MRPS27: variants seen among roughly 807,000 people sequenced by gnomAD.
MRPS27 encodes small ribosomal subunit protein mS27.
A neutral mutation model predicts 48.9 loss-of-function variants in MRPS27; 43 were observed. The ratio of observed to expected loss-of-function variants is 0.88; its 90% confidence interval spans 0.69 to 1.13. The LOEUF is 1.13. Ranked by LOEUF, MRPS27 falls within the 50% of genes most tolerant of loss-of-function variation. The probability of loss-of-function intolerance (pLI) is 0.00; values close to 1 mark genes in which losing one functional copy is unlikely to be tolerated. For missense variants in MRPS27, 467 were observed against 476.3 expected (o/e 0.98, Z 0.18); for synonymous variants, 188 against 171.9 (o/e 1.09, Z -0.73).
chr5:72,247,270 C>G (rs1748534004), intron 4 of MRPS27, among the ~76,000 whole-genome samples: 1 of 152,126 alleles, frequency 6.6e-6, no homozygotes, highest in Non-Finnish European at 1.5e-5. Context: ...CTGGACTAGA[C>G]CAGACCCCCG....
In MRPS27 at chr5:72,219,890, T is replaced by A. The variant is rs542740233; in HGVS notation, c.*1019A>T. 3.9e-5 allele frequency: 6 copies of A among 152,710 alleles called. No individual in the cohort carries two copies. The highest frequency in any genetic ancestry group is 1.4e-4 in the African/African-American group (6 of 41,564). 9.5% of individuals were successfully genotyped at this position (152,710 alleles called of 1,614,324 possible). On this transcript the variant is annotated 3_prime_UTR_variant, in exon 11 of 11. Transcript: ENST00000261413. ...AAAAAAAAAATTGGAAAAAAAATGT[T>A]ACCCCAACACGATGGAGAAGCCAAT... is the stretch of plus-strand genomic sequence containing the variant.
intron 4 of MRPS27, among the ~76,000 whole-genome samples, chr5:72,292,223 T>G (rs1297641979): frequency 6.7e-6 from 1 of 150,240 alleles, no homozygotes; most frequent in Non-Finnish European, 1.5e-5. Context: ...TTTTTTTTTT[T>G]TGGCCAATGA....
chr5:72,222,379 A>G (rs1747770976), intron 10 of MRPS27: 1 of 152,230 alleles, frequency 6.6e-6, no homozygotes, highest in Non-Finnish European at 1.5e-5. Flanking sequence ...GGTAGTCTCT[A>G]GCATCCAGAG....
At chr5:72,266,368 T>C (rs912639133) in intron 4 of MRPS27, among the ~76,000 whole-genome samples, 9 of 152,190 alleles carry the variant, frequency 5.9e-5, no homozygotes, top group Non-Finnish European at 1.2e-4. Flanking sequence ...AGTAAATACA[T>C]GACTGCCCCA....
Position 72,314,122 on chromosome 5 carries a change from C to T in MRPS27, c.110G>A (p.Ser37Asn), listed in dbSNP as rs1475287907. The change falls in exon 2 of 11, where the codon AGC (serine) becomes AAC (asparagine). Residue 37 changes from serine (S) to asparagine (N), a missense_variant. Physicochemically the swap from Ser to Asn is conservative, Grantham distance 46. Transcript: ENST00000261413. ...TTTTTCTCTTGCTTCCCATTTGTGG[C>T]TGTCTACATAGGCTGAAGAAAGCAG... ...RYLLSSAYVD[S>N]HKWEAREKEH... is the part of the protein sequence containing the mutation. 6.2e-7 allele frequency: 1 copy of T among 1,613,110 alleles called. No homozygotes were observed. The highest frequency in any genetic ancestry group is 8.5e-7 in the Non-Finnish European group (1 of 1,179,454).
At position 72,219,616 on chromosome 5, in the gene MRPS27, C is replaced by T. The variant is rs1271746380; in HGVS notation, c.*1293G>A. On this transcript the variant is annotated 3_prime_UTR_variant, in exon 11 of 11. Coordinates refer to ENST00000261413, the MANE Select transcript of MRPS27 (RefSeq NM_015084.3). ...ACCACTGTACTTAAGGGCAACACTACATAGTAAGCAAAATCTGCTCTGAAC... is the reference window on the plus strand; with the variant it reads ...ACCACTGTACTTAAGGGCAACACTATATAGTAAGCAAAATCTGCTCTGAAC... 1.3e-5 allele frequency: 2 copies of T among 152,166 alleles called. No homozygotes were observed. The highest frequency in any genetic ancestry group is 2.9e-5 in the Non-Finnish European group (2 of 68,022). 9.4% of individuals were successfully genotyped at this position (152,166 alleles called of 1,614,324 possible).
intron 4 of MRPS27, among the ~76,000 whole-genome samples, chr5:72,289,467 G>A (rs776323016): frequency 2.0e-5 from 3 of 150,746 alleles, no homozygotes; most frequent in African/African-American, 4.9e-5. Context: ...TGTCACCTAC[G>A]CTGGAGTACA....
At chr5:72,314,251 T>C (rs1265656418) in intron 1 of MRPS27, 93 bp from the exon 2 acceptor site, 1 of 820,298 alleles carries the variant, frequency 1.2e-6, no homozygotes, top group Non-Finnish European at 1.9e-6. Context: ...TCCTTTCAAC[T>C]ACTAGATTAT....
chr5:72,306,514 GAAT>G, intron 2 of MRPS27, among the ~76,000 whole-genome samples: 1 of 152,136 alleles, frequency 6.6e-6, no homozygotes, highest in South Asian at 2.1e-4. Flanking sequence ...AGCAAATCTA[GAAT>G]GTGGGAAACT....
At chr5:72,292,246 GTA>G (rs1417550609) in intron 4 of MRPS27, among the ~76,000 whole-genome samples, 3 of 140,904 alleles carry the variant, frequency 2.1e-5, no homozygotes, top group African/African-American at 8.1e-5. Context: ...ATAGTTGCTG[GTA>G]TTGCCTTAAT....
intron 10 of MRPS27, among the ~76,000 whole-genome samples, chr5:72,221,997 C>T (rs1051181696): frequency 6.6e-6 from 1 of 152,204 alleles, no homozygotes; most frequent in African/African-American, 2.4e-5. Context: ...TTATACCACA[C>T]ATCCCCATGT....
At chr5:72,301,656 G>C (rs1451275332) in intron 2 of MRPS27, among the ~76,000 whole-genome samples, 1 of 152,206 alleles carries the variant, frequency 6.6e-6, no homozygotes, top group Non-Finnish European at 1.5e-5. Context: ...TTCGCACCAA[G>C]GCATCTTTAG....
intron 10 of MRPS27, 61 bp downstream of exon 10, chr5:72,223,622 A>G: frequency 6.4e-7 from 1 of 1,555,882 alleles, no homozygotes; most frequent in Admixed American, 1.8e-5. Context: ...CTTATCCATC[A>G]CCACAGGAGA....
At chr5:72,258,083 C>CAAAAAAAAAAAAAAAAA (rs1030737219) in intron 4 of MRPS27, among the ~76,000 whole-genome samples, 1 of 61,348 alleles carries the variant, frequency 1.6e-5, no homozygotes, top group Non-Finnish European at 3.4e-5. Context: ...GACTCTGTCT[C>CAAAAAAAAAAAAAAAAA]AAAAAAAAAA....
chr5:72,266,409 C>T (rs1749108475), intron 4 of MRPS27, among the ~76,000 whole-genome samples: 1 of 152,210 alleles, frequency 6.6e-6, no homozygotes, highest in African/African-American at 2.4e-5. Context: ...AGTTAAACAG[C>T]AATCTTTCTA....
At chr5:72,297,904 A>T (rs974200532) in intron 2 of MRPS27, among the ~76,000 whole-genome samples, 4 of 152,182 alleles carry the variant, frequency 2.6e-5, no homozygotes, top group African/African-American at 9.6e-5. Context: ...GAATTATTTT[A>T]AAAAAACTTT....
Position 72,241,701 on chromosome 5 carries a change from A to C in MRPS27, c.282-3573T>G, listed in dbSNP as rs538238922. The C allele has an allele frequency of 1.2e-5, 18 of 1,535,396 alleles. No individual in the cohort carries two copies. In the East Asian group the frequency reaches 3.7e-4, roughly 31 times the overall value. On this transcript the variant is annotated intron_variant, in intron 4 of 10. Transcript: ENST00000261413. ...GCATTCTCCCTTTCTGTCAGAAGAA[A>C]GGCAAAGAGAAAAGAATACAACTAA...
chr5:72,286,798 T>C (rs898222924), intron 4 of MRPS27, among the ~76,000 whole-genome samples: 9 of 152,198 alleles, frequency 5.9e-5, no homozygotes, highest in African/African-American at 1.4e-4. Context: ...TGCTGGGAAA[T>C]AGTATGGCTT....
At chr5:72,296,506 G>A (rs1175204861) in intron 3 of MRPS27, among the ~76,000 whole-genome samples, 1 of 152,140 alleles carries the variant, frequency 6.6e-6, no homozygotes, top group Non-Finnish European at 1.5e-5. Flanking sequence ...TAAAGGCACT[G>A]GCCTCGAAGA....
Sources: allele counts gnomAD v4.1 joint callset (sites outside exome capture counted in the v4.1 genomes callset), GRCh38; gene constraint gnomAD v4.1.1; transcripts MANE v1.5; gene names NCBI Gene and HGNC (gene_info 2026-07-23, HGNC 2026-07-21).